The following PRKCH variants were observed in gnomAD, a reference collection of about 807,000 sequenced individuals.
The protein encoded by PRKCH is protein kinase C eta type.
PRKCH carries 28 observed loss-of-function variants against 82.5 expected under a neutral mutation model. The observed-to-expected ratio is 0.34, with a 90% CI of 0.25 to 0.47. The LOEUF (loss-of-function observed/expected upper bound fraction) is 0.47. Ranked by LOEUF, PRKCH falls within the 20% of genes least tolerant of loss-of-function variation. The pLI is 1.00. For missense variants in PRKCH, 705 were observed against 881.8 expected (o/e 0.80, Z 2.54); for synonymous variants, 322 against 327.4 (o/e 0.98, Z 0.18).
chr14:61,355,711 G>T (rs1348070875), intron 1 of PRKCH, among the ~76,000 whole-genome samples: 1 of 152,106 alleles, frequency 6.6e-6, no homozygotes, highest in Non-Finnish European at 1.5e-5. Context: ...TGCTTCACGG[G>T]TGGCTTCTGA....
chr14:61,452,142 G>A (rs894451017), intron 6 of PRKCH, among the ~76,000 whole-genome samples: 2 of 152,098 alleles, frequency 1.3e-5, no homozygotes, highest in Non-Finnish European at 2.9e-5. Context: ...GCAGCAATCC[G>A]GCTCTTGTGA....
intron 1 of PRKCH, among the ~76,000 whole-genome samples, chr14:61,238,742 TTC>T (rs58320724): frequency 0.16 from 23,968 of 152,188 alleles, 2,024 homozygotes; most frequent in Admixed American, 0.18. Flanking sequence ...TTTTACTCTC[TTC>T]TCTGTCTTTT....
intron 7 of PRKCH, among the ~76,000 whole-genome samples, chr14:61,454,917 A>G (rs1804384553): frequency 6.6e-6 from 1 of 152,188 alleles, no homozygotes; most frequent in African/African-American, 2.4e-5. Context: ...GTGCTGAGGA[A>G]GGGAAGTGCA....
At chr14:61,279,279 T>C (rs192983042) in intron 1 of PRKCH, 16 of 152,350 alleles carry the variant, frequency 1.1e-4, no homozygotes, top group Admixed American at 8.5e-4. Context: ...TAGTAATTTT[T>C]TAAAAATTCA....
At position 61,274,457 on chromosome 14, in the gene PRKCH, G is replaced by C. The variant is rs150885941; in HGVS notation, c.-19+86789G>C. On this transcript the variant is annotated intron_variant, in intron 1 of 3. Transcript: ENST00000555185. The stretch of plus-strand genomic sequence containing the variant: ...TGTAGCTCATTGTGGCTGTGATGTG[G>C]AGAATAAACTGGAGCCCAATTAGGA... Among the ~76,000 whole-genome samples, 332 of 152,310 alleles carry C rather than the reference G, an allele frequency of 2.2e-3. 2 individuals are homozygous for C. In the Middle Eastern group the frequency reaches 0.027, roughly 12 times the overall value.
chr14:61,487,873 G>T (rs1397832663), intron 10 of PRKCH, among the ~76,000 whole-genome samples: 3 of 151,504 alleles, frequency 2.0e-5, no homozygotes, highest in African/African-American at 4.8e-5. Context: ...AAATTAGCCA[G>T]CCGGGCGCGG....
intron 3 of PRKCH, 113 bp downstream of exon 3, chr14:61,443,374 G>T: frequency 8.5e-7 from 1 of 1,171,038 alleles, no homozygotes; most frequent in Non-Finnish European, 1.1e-6. Flanking sequence ...TTCAGGATCT[G>T]ATTTTTGCCT....
intron 2 of PRKCH, among the ~76,000 whole-genome samples, chr14:61,406,705 C>T (rs1881969319): frequency 6.6e-6 from 1 of 152,146 alleles, no homozygotes; most frequent in East Asian, 1.9e-4. Flanking sequence ...TTCTTAGAAC[C>T]AAGAATGGAT....
chr14:61,328,167 G>A (rs372953914), intron 1 of PRKCH, among the ~76,000 whole-genome samples: 1 of 149,280 alleles, frequency 6.7e-6, no homozygotes, highest in Non-Finnish European at 1.5e-5. Flanking sequence ...GGAGAATGGC[G>A]TGAACCCGGG....
rs1781843877 is a variant in PRKCH, at chr14:61,308,557, T to TTG, written c.-19+120893_-19+120894dup. On this transcript the variant is annotated intron_variant, in intron 1 of 3. Coordinates refer to the PRKCH transcript ENST00000555185. ...ATTTTTGTTATACTCACCAGAGCACTTGTGTCTTTCTTGCTACTTGTGTTA... is the reference window on the plus strand; with the variant it reads ...ATTTTTGTTATACTCACCAGAGCACTTGTGTGTCTTTCTTGCTACTTGTGTTA... 3.3e-5 allele frequency among the ~76,000 whole-genome samples: 5 copies of TTG among 152,220 alleles called. No individual in the cohort carries two copies. The South Asian group carries it at 1.0e-3, about 32-fold the overall frequency.
chr14:61,490,931 C>T (rs1417515962), intron 10 of PRKCH, among the ~76,000 whole-genome samples: 1 of 151,658 alleles, frequency 6.6e-6, no homozygotes, highest in East Asian at 1.9e-4. Flanking sequence ...AAAACAAAAA[C>T]AAACAAAAAA....
intron 9 of PRKCH, among the ~76,000 whole-genome samples, chr14:61,481,639 C>G (rs1327724584): frequency 6.6e-6 from 1 of 152,186 alleles, no homozygotes; most frequent in Admixed American, 6.5e-5. Flanking sequence ...ACACACTCAT[C>G]ATAGAAACTT....
chr14:61,363,664 G>A (rs2046259522), intron 1 of PRKCH, among the ~76,000 whole-genome samples: 1 of 152,128 alleles, frequency 6.6e-6, no homozygotes, highest in Admixed American at 6.5e-5. Context: ...GGCGTCTGGA[G>A]ATGGGAATCT....
intron 1 of PRKCH, among the ~76,000 whole-genome samples, chr14:61,288,181 C>A (rs1242839706): frequency 6.6e-6 from 1 of 152,082 alleles, no homozygotes; most frequent in Non-Finnish European, 1.5e-5. Flanking sequence ...TATGTGATAT[C>A]ATCAATGAGC....
At chr14:61,501,698 A>G (rs1324092430) in intron 10 of PRKCH, among the ~76,000 whole-genome samples, 3 of 152,186 alleles carry the variant, frequency 2.0e-5, no homozygotes, top group Non-Finnish European at 4.4e-5. Flanking sequence ...GTGGAAACAC[A>G]GTATCATTTA....
At chr14:61,534,990 A>G (rs1467990481) in intron 12 of PRKCH, among the ~76,000 whole-genome samples, 1 of 152,234 alleles carries the variant, frequency 6.6e-6, no homozygotes, top group African/African-American at 2.4e-5. Context: ...GTTCAGCAAC[A>G]TCATCAAGGT....
intron 1 of PRKCH, chr14:61,307,337 G>A (rs139815119): frequency 1.4e-3 from 220 of 152,276 alleles, no homozygotes; most frequent in African/African-American, 5.2e-3. Flanking sequence ...CACAGACATT[G>A]TATTTCTAAG....
rs140180712 is a variant in PRKCH, at chr14:61,403,095, C to G, written c.427+11807C>G. Among the ~76,000 whole-genome samples the G allele has an allele frequency of 9.7e-4, 148 of 151,962 alleles. 1 individual carries two copies. The highest frequency in any genetic ancestry group is 2.5e-3 in the East Asian group (13 of 5,190). ...TTGCAAATTGTAAAATAATGCCACT[C>G]TCTCTATCTTTGGGGGGATGTTTGA... On this transcript the variant is annotated intron_variant, in intron 2 of 13. Transcript: ENST00000332981.
Position 61,234,514 on chromosome 14 carries a change from C to G in PRKCH, c.-19+46846C>G, listed in dbSNP as rs368791316. Among the ~76,000 whole-genome samples, 3 of 152,306 alleles carry G rather than the reference C, an allele frequency of 2.0e-5. No individual in the cohort carries two copies. In the East Asian group the frequency reaches 5.8e-4, roughly 29 times the overall value. ...GTCTTACTCATGTTGAGCATGAGCA[C>G]ACACTCATGAAGGTGTGCAAGCCAG... On this transcript the variant is annotated intron_variant, in intron 1 of 3. Coordinates refer to the PRKCH transcript ENST00000555185.
Sources: allele counts gnomAD v4.1 joint callset (sites outside exome capture counted in the v4.1 genomes callset), GRCh38; gene constraint gnomAD v4.1.1; transcripts MANE v1.5; gene names NCBI Gene and HGNC (gene_info 2026-07-23, HGNC 2026-07-21).